TBC1D4: variants seen among roughly 807,000 people sequenced by gnomAD.
TBC1D4 encodes TBC1 domain family member 4.
TBC1D4 carries 121 observed loss-of-function variants against 142.5 expected under a neutral mutation model. The observed-to-expected ratio is 0.85, with a 90% CI of 0.73 to 0.99. The LOEUF (loss-of-function observed/expected upper bound fraction) is 0.99. Ranked by LOEUF, TBC1D4 falls within the 50% of genes least tolerant of loss-of-function variation. The pLI is 0.00. For synonymous variants in TBC1D4, 630 were observed against 628.2 expected (o/e 1.00, Z -0.04); for missense variants, 1,475 against 1,606.6 (o/e 0.92, Z 1.40).
At chr13:75,302,185 C>G (rs1876630975) in intron 16 of TBC1D4, 58 bp downstream of exon 16, 13 of 1,608,552 alleles carry the variant, frequency 8.1e-6, no homozygotes, top group Non-Finnish European at 1.1e-5. Flanking sequence ...ACCAAAAAAA[C>G]TTAACAGAGG....
intron 1 of TBC1D4, among the ~76,000 whole-genome samples, chr13:75,381,211 A>G (rs979119906): frequency 6.6e-6 from 1 of 152,174 alleles, no homozygotes; most frequent in Non-Finnish European, 1.5e-5. Flanking sequence ...TTCATTATCA[A>G]CTAACTCCAT....
chr13:75,454,019 A>G (rs1445736531), intron 1 of TBC1D4, among the ~76,000 whole-genome samples: 8 of 125,452 alleles, frequency 6.4e-5, no homozygotes, highest in Non-Finnish European at 4.9e-5. Context: ...CCTGTAATAA[A>G]TCTCTATTTT....
intron 1 of TBC1D4, among the ~76,000 whole-genome samples, chr13:75,452,575 T>C (rs1325967881): frequency 6.6e-6 from 1 of 152,208 alleles, no homozygotes; most frequent in Non-Finnish European, 1.5e-5. Flanking sequence ...TTTCACAGTT[T>C]TCTAAGAACC....
chr13:75,427,955 A>G (rs902320686), intron 1 of TBC1D4, among the ~76,000 whole-genome samples: 5 of 152,370 alleles, frequency 3.3e-5, no homozygotes, highest in African/African-American at 7.2e-5. Context: ...CTGACAATTT[A>G]TCAACAGGAG....
At chr13:75,420,074 G>C (rs1886098350) in intron 1 of TBC1D4, among the ~76,000 whole-genome samples, 1 of 152,134 alleles carries the variant, frequency 6.6e-6, no homozygotes, top group Non-Finnish European at 1.5e-5. Context: ...TCAGAAGAAG[G>C]GCAAGTACCA....
intron 11 of TBC1D4, among the ~76,000 whole-genome samples, chr13:75,323,618 TGTTCACAAGATTCAAGAGGTC>T (rs1009429077): frequency 6.6e-5 from 10 of 152,166 alleles, no homozygotes; most frequent in Non-Finnish European, 1.5e-4. Flanking sequence ...CAAAATAGAA[TGTTCACAAGATTCAAGAGGTC>T]GTTCACAAGA....
At chr13:75,436,051 A>T (rs1401338376) in intron 1 of TBC1D4, among the ~76,000 whole-genome samples, 2 of 152,160 alleles carry the variant, frequency 1.3e-5, no homozygotes, top group Non-Finnish European at 2.9e-5. Context: ...CATGGGAGGT[A>T]ATTGAATCAT....
At chr13:75,409,882 T>C (rs533385086) in intron 1 of TBC1D4, among the ~76,000 whole-genome samples, 1 of 152,342 alleles carries the variant, frequency 6.6e-6, no homozygotes, top group East Asian at 1.9e-4. Context: ...ATACTTGCCC[T>C]GCTATATCAT....
chr13:75,455,727 A>G (rs1269819071), intron 1 of TBC1D4, among the ~76,000 whole-genome samples: 1 of 152,150 alleles, frequency 6.6e-6, no homozygotes, highest in Non-Finnish European at 1.5e-5. Flanking sequence ...CACTAACACT[A>G]AAGGTACTTT....
chr13:75,480,088 T>A (rs1374371549), intron 1 of TBC1D4, among the ~76,000 whole-genome samples: 1 of 152,136 alleles, frequency 6.6e-6, no homozygotes, highest in Non-Finnish European at 1.5e-5. Context: ...AATGAACTAT[T>A]ATTTTCTTCA....
intron 1 of TBC1D4, among the ~76,000 whole-genome samples, chr13:75,465,225 A>C (rs987146351): frequency 1.3e-5 from 2 of 152,148 alleles, no homozygotes; most frequent in African/African-American, 4.8e-5. Context: ...GCTATCAACT[A>C]ATGCTGTTTT....
intron 1 of TBC1D4, among the ~76,000 whole-genome samples, chr13:75,465,174 C>G (rs761266455): frequency 6.6e-6 from 1 of 152,142 alleles, no homozygotes; most frequent in Non-Finnish European, 1.5e-5. Flanking sequence ...AGTGGTGGAG[C>G]CTGGAGTCCC....
chr13:75,391,403 G>A (rs998986857), intron 1 of TBC1D4, among the ~76,000 whole-genome samples: 2 of 151,844 alleles, frequency 1.3e-5, no homozygotes, highest in Admixed American at 6.6e-5. Flanking sequence ...AATTACTCCC[G>A]CCACCCCAGC....
At chr13:75,393,933 A>AAC (rs1409615540) in intron 1 of TBC1D4, among the ~76,000 whole-genome samples, 1 of 151,850 alleles carries the variant, frequency 6.6e-6, no homozygotes, top group Non-Finnish European at 1.5e-5. Flanking sequence ...GTCTCAAAAA[A>AAC]AAAAAAACAA....
chr13:75,368,727 T>C (rs1242139629), intron 1 of TBC1D4, among the ~76,000 whole-genome samples: 2 of 152,134 alleles, frequency 1.3e-5, no homozygotes, highest in Non-Finnish European at 2.9e-5. Flanking sequence ...GGAAAAAATC[T>C]GGGGAATCAT....
intron 1 of TBC1D4, among the ~76,000 whole-genome samples, chr13:75,401,267 C>G (rs1885079818): frequency 6.6e-6 from 1 of 152,168 alleles, no homozygotes; most frequent in Admixed American, 6.5e-5. Context: ...TTAATTTCCC[C>G]CTTTCTTCCT....
In TBC1D4 at chr13:75,283,845, T is replaced by C. The variant is rs756485696; in HGVS notation, c.*2947A>G. 3.3e-5 allele frequency among the ~76,000 whole-genome samples: 5 copies of C among 152,224 alleles called. No homozygotes were observed. Among genetic ancestry groups the C allele is most frequent in the Non-Finnish European group, 7.3e-5 (5 of 68,036 alleles). On this transcript the variant is annotated 3_prime_UTR_variant, in exon 21 of 21. Coordinates refer to ENST00000377636, the MANE Select transcript of TBC1D4 (RefSeq NM_014832.5). ...ACTCTATTAGGAAGAATTATTTGTGTAGCAATTTTAAGTAGGTACAATCCA... is the reference window on the plus strand; with the variant it reads ...ACTCTATTAGGAAGAATTATTTGTGCAGCAATTTTAAGTAGGTACAATCCA...
At chr13:75,292,361 T>C (rs553295377) in intron 18 of TBC1D4, 90 bp from the exon 19 acceptor site, 1 of 1,160,964 alleles carries the variant, frequency 8.6e-7, no homozygotes, top group African/African-American at 1.6e-5. Flanking sequence ...TTTGTTTACT[T>C]GTTTTATGTA....
At chr13:75,394,374 A>G (rs1299026791) in intron 1 of TBC1D4, among the ~76,000 whole-genome samples, 2 of 152,218 alleles carry the variant, frequency 1.3e-5, no homozygotes, top group Non-Finnish European at 2.9e-5. Context: ...CAATCTAGCC[A>G]TAACCGTTGT....
Sources: allele counts gnomAD v4.1 joint callset (sites outside exome capture counted in the v4.1 genomes callset), GRCh38; gene constraint gnomAD v4.1.1; transcripts MANE v1.5; gene names NCBI Gene and HGNC (gene_info 2026-07-23, HGNC 2026-07-21).